Variants in DPYD observed in about 807,000 individuals in gnomAD.
The protein encoded by DPYD is dihydropyrimidine dehydrogenase [NADP(+)].
DPYD carries 109 observed loss-of-function variants against 116.2 expected under a neutral mutation model. The ratio of observed to expected loss-of-function variants is 0.94; its 90% CI spans 0.80 to 1.10. The LOEUF is 1.10. DPYD is among the 50% of genes least tolerant of loss of function. The pLI, the probability that DPYD is intolerant of heterozygous loss-of-function variation, is 0.00. For synonymous variants in DPYD, 440 were observed against 432.0 expected (o/e 1.02, Z -0.23); for missense variants, 1,302 against 1,254.5 (o/e 1.04, Z -0.57).
intron 18 of DPYD, among the ~76,000 whole-genome samples, chr1:97,278,871 A>G (rs1274825377): frequency 2.0e-5 from 3 of 152,200 alleles, no homozygotes; most frequent in Non-Finnish European, 4.4e-5. Context: ...TAACACATAT[A>G]TACATAAATA....
In DPYD at chr1:97,705,967, T is replaced by C. The variant is rs111738794; in HGVS notation, c.484-6420A>G. On this transcript the variant is annotated intron_variant, in intron 5 of 22. Coordinates refer to ENST00000370192, the MANE Select transcript of DPYD (RefSeq NM_000110.4). ...GTGTCTGTTCATATCCTTCGCCCACTTTTTGATGGGTTTTTTTTCTTGTAA... is the reference window on the plus strand; with the variant it reads ...GTGTCTGTTCATATCCTTCGCCCACCTTTTGATGGGTTTTTTTTCTTGTAA... Among the ~76,000 whole-genome samples the C allele has an allele frequency of 5.0e-3, 761 of 152,226 alleles. 5 individuals are homozygous for C. The highest frequency in any genetic ancestry group is 0.017 in the African/African-American group (722 of 41,556).
At chr1:97,443,357 T>C (rs1475866998) in intron 14 of DPYD, among the ~76,000 whole-genome samples, 1 of 152,220 alleles carries the variant, frequency 6.6e-6, no homozygotes, top group Non-Finnish European at 1.5e-5. Flanking sequence ...TAAGTATATA[T>C]TGACTCTAGA....
intron 3 of DPYD, among the ~76,000 whole-genome samples, chr1:97,822,114 A>G (rs1171756033): frequency 3.3e-5 from 5 of 151,302 alleles, no homozygotes; most frequent in African/African-American, 9.7e-5. Flanking sequence ...TACGCCTCAA[A>G]AAATTATCTT....
intron 11 of DPYD, among the ~76,000 whole-genome samples, chr1:97,554,505 A>G (rs1239285843): frequency 6.6e-6 from 1 of 152,102 alleles, no homozygotes; most frequent in Non-Finnish European, 1.5e-5. Context: ...CTTGTTGTTT[A>G]ATTTTACATA....
At chr1:97,392,883 A>G (rs1672791362) in intron 14 of DPYD, among the ~76,000 whole-genome samples, 1 of 151,976 alleles carries the variant, frequency 6.6e-6, no homozygotes, top group African/African-American at 2.4e-5. Context: ...AAGGCTTGCA[A>G]TCAATTTCTT....
intron 3 of DPYD, among the ~76,000 whole-genome samples, chr1:97,810,404 A>G (rs1668299147): frequency 6.6e-6 from 1 of 152,066 alleles, no homozygotes; most frequent in South Asian, 2.1e-4. Flanking sequence ...ATTATATAGC[A>G]TATCATCCTA....
chr1:97,124,951 A>G (rs758942026), intron 20 of DPYD, among the ~76,000 whole-genome samples: 6 of 152,158 alleles, frequency 3.9e-5, no homozygotes, highest in Admixed American at 1.3e-4. Context: ...GTATGAAAGA[A>G]AAACTCTAGG....
intron 16 of DPYD, among the ~76,000 whole-genome samples, chr1:97,371,657 T>G (rs116670678): frequency 6.6e-6 from 1 of 152,362 alleles, no homozygotes; most frequent in East Asian, 1.9e-4. Flanking sequence ...ATTTAAAATA[T>G]GGAACATTCA....
chr1:97,622,559 T>C (rs779130573), intron 8 of DPYD, among the ~76,000 whole-genome samples: 11 of 151,906 alleles, frequency 7.2e-5, no homozygotes, highest in Non-Finnish European at 1.5e-4. Flanking sequence ...ACTAAGGAAA[T>C]CTAGCAAATG....
At chr1:97,173,523 T>C (rs776593370) in intron 20 of DPYD, among the ~76,000 whole-genome samples, 1 of 150,858 alleles carries the variant, frequency 6.6e-6, no homozygotes, top group Non-Finnish European at 1.5e-5. Context: ...AAAAGGTATA[T>C]ACAATTATGT....
Position 97,078,432 on chromosome 1 carries a change from G to T in DPYD, c.*544C>A. 5.8e-6 allele frequency: 1 copy of T among 173,456 alleles called. No homozygotes were observed. The highest frequency in any genetic ancestry group is 1.2e-5 in the Non-Finnish European group (1 of 80,582). The allele number at this position is 173,456 out of a possible 1,614,324, so 10.7% of individuals were successfully genotyped here. On this transcript the variant is annotated 3_prime_UTR_variant, in exon 23 of 23. Coordinates refer to ENST00000370192, the MANE Select transcript of DPYD (RefSeq NM_000110.4). ...ATAAAGTTCTACAAACTCAATTTTA[G>T]GCTTTCTTATCCTGCCATAGCAAAT...
intron 20 of DPYD, among the ~76,000 whole-genome samples, chr1:97,157,665 T>C (rs1655572141): frequency 6.6e-6 from 1 of 152,122 alleles, no homozygotes; most frequent in South Asian, 2.1e-4. Flanking sequence ...TTCTCTAGAC[T>C]CAGGAAATAT....
rs1661637357 is a variant in DPYD, at chr1:97,702,212, A to G, written c.484-2665T>C. On this transcript the variant is annotated intron_variant, in intron 5 of 22. Coordinates refer to ENST00000370192, the MANE Select transcript of DPYD (RefSeq NM_000110.4). ...ATTTCCCCAAAGAAAGGTTTCACAT[A>G]CTTTTCATAAATATATATTTTATTA... Among the ~76,000 whole-genome samples the G allele has an allele frequency of 2.0e-5, 3 of 151,382 alleles. No homozygotes were observed. The South Asian group carries it at 6.2e-4, about 31-fold the overall frequency.
At chr1:97,392,484 G>C (rs1211743833) in intron 14 of DPYD, among the ~76,000 whole-genome samples, 1 of 151,758 alleles carries the variant, frequency 6.6e-6, no homozygotes, top group Non-Finnish European at 1.5e-5. Context: ...AGACAATAAA[G>C]TTTGCTAGAT....
chr1:97,272,385 A>G (rs1451487869), intron 18 of DPYD, among the ~76,000 whole-genome samples: 1 of 152,158 alleles, frequency 6.6e-6, no homozygotes, highest in East Asian at 1.9e-4. Flanking sequence ...AAACATGTTA[A>G]GAAGTTCATT....
intron 2 of DPYD, among the ~76,000 whole-genome samples, chr1:97,859,560 C>G (rs1445327222): frequency 1.3e-5 from 2 of 152,188 alleles, no homozygotes; most frequent in East Asian, 3.9e-4. Flanking sequence ...AGCCCACCAC[C>G]ACTGGACCAC....
At chr1:97,140,616 G>T (rs949087750) in intron 20 of DPYD, among the ~76,000 whole-genome samples, 1 of 152,136 alleles carries the variant, frequency 6.6e-6, no homozygotes, top group African/African-American at 2.4e-5. Flanking sequence ...AGGTGACATG[G>T]AGAAGTGGAG....
chr1:97,161,973 G>C (rs1011426791), intron 20 of DPYD, among the ~76,000 whole-genome samples: 4 of 151,718 alleles, frequency 2.6e-5, no homozygotes, highest in Admixed American at 2.6e-4. Context: ...GTCTATCATT[G>C]TTGGACATTT....
At position 97,845,557 on chromosome 1, in the gene DPYD, T is replaced by C. The variant is rs116071761; in HGVS notation, c.151-17361A>G. On this transcript the variant is annotated intron_variant, in intron 2 of 22. Transcript: ENST00000370192. ...GTTCTGTCACACAGTGAAGCTCCTT[T>C]CTACCTTGCTCTCCCTCCAGTAGCC... Among the ~76,000 whole-genome samples the C allele has an allele frequency of 6.3e-3, 953 of 152,300 alleles. 14 individuals are homozygous for C. The highest frequency in any genetic ancestry group is 0.021 in the African/African-American group (893 of 41,568).
Sources: allele counts gnomAD v4.1 joint callset (sites outside exome capture counted in the v4.1 genomes callset), GRCh38; gene constraint gnomAD v4.1.1; transcripts MANE v1.5; gene names NCBI Gene and HGNC (gene_info 2026-07-23, HGNC 2026-07-21).